The following ZNF148 variants were observed in gnomAD, a reference collection of about 807,000 sequenced individuals.
The protein encoded by ZNF148 is Beta-Enolase Repressor Factor-1.
ZNF148 carries 7 observed loss-of-function variants against 67.7 expected under a neutral mutation model. The observed-to-expected ratio is 0.10, with a 90% CI of 0.06 to 0.19. The LOEUF (loss-of-function observed/expected upper bound fraction) is 0.19, where lower values mean the gene tolerates loss of function less well. Among genes scored for constraint, ZNF148 ranks in the 10% least tolerant of loss-of-function variants. ZNF148 has a pLI of 1.00. For missense variants in ZNF148, 583 were observed against 947.1 expected, an observed-to-expected ratio of 0.62 and a Z score of 5.05; for synonymous variants, 333 against 330.7, an observed-to-expected ratio of 1.01 and a Z score of -0.08.
rs373252089 is a variant in ZNF148, at chr3:125,262,019, T to C, written c.667+15707A>G. On this transcript the variant is annotated intron_variant, in intron 7 of 8. Coordinates refer to ENST00000360647, the MANE Select transcript of ZNF148 (RefSeq NM_021964.3). ...ACTTTTCACCATACAGTTCTACTAA[T>C]GAAAACGCTGGAATTCTCTTTTATA... Among the ~76,000 whole-genome samples, 5 of 152,252 alleles carry C rather than the reference T, an allele frequency of 3.3e-5. No individual in the cohort carries two copies. In the South Asian group the frequency reaches 6.2e-4, roughly 19 times the overall value.
At chr3:125,326,256 A>T (rs1258729314) in intron 2 of ZNF148, among the ~76,000 whole-genome samples, 1 of 152,120 alleles carries the variant, frequency 6.6e-6, no homozygotes, top group Non-Finnish European at 1.5e-5. Context: ...CACTCCATAA[A>T]CATATTTTTC....
intron 4 of ZNF148, among the ~76,000 whole-genome samples, chr3:125,298,167 A>G (rs578256148): frequency 6.6e-6 from 1 of 152,170 alleles, no homozygotes; most frequent in Non-Finnish European, 1.5e-5. Context: ...AATCTTTAGG[A>G]ACTAGAGGAG....
At chr3:125,336,912 T>C (rs566328868) in intron 1 of ZNF148, among the ~76,000 whole-genome samples, 1 of 151,246 alleles carries the variant, frequency 6.6e-6, no homozygotes, top group Non-Finnish European at 1.5e-5. Flanking sequence ...CCTGACCTCA[T>C]GATCCACCCG....
intron 4 of ZNF148, among the ~76,000 whole-genome samples, chr3:125,297,809 C>T (rs1415216113): frequency 6.6e-6 from 1 of 152,130 alleles, no homozygotes; most frequent in Non-Finnish European, 1.5e-5. Context: ...TAAAAAACTT[C>T]TGTCAGTATG....
chr3:125,288,691 T>C (rs1938842252), intron 4 of ZNF148, among the ~76,000 whole-genome samples: 1 of 152,130 alleles, frequency 6.6e-6, no homozygotes, highest in Admixed American at 6.5e-5. Flanking sequence ...ACCACACAAA[T>C]TCTAAAAGAT....
Position 125,227,108 on chromosome 3 carries a change from T to C in ZNF148, c.*5233A>G, listed in dbSNP as rs899903692. On this transcript the variant is annotated 3_prime_UTR_variant, in exon 9 of 9. Coordinates refer to ENST00000360647, the MANE Select transcript of ZNF148 (RefSeq NM_021964.3). ...ACGATGCCCCCCTTTCCCTCGGAAA[T>C]TTGCTCTAGCATTTTAGGAACTCTC... 6.7e-6 allele frequency: 1 copy of C among 149,098 alleles called. No individual in the cohort carries two copies. The highest frequency in any genetic ancestry group is 2.6e-5 in the African/African-American group (1 of 38,468). 9.2% of individuals were successfully genotyped at this position (149,098 alleles called of 1,614,324 possible). A position where few individuals can be genotyped will look rare whatever the true frequency, so the allele number is the denominator to read the frequency against.
At chr3:125,275,130 C>T (rs928693305) in intron 7 of ZNF148, among the ~76,000 whole-genome samples, 3 of 152,174 alleles carry the variant, frequency 2.0e-5, no homozygotes, top group South Asian at 2.1e-4. Context: ...ATCAAGAATA[C>T]GAAGTAAAGA....
chr3:125,374,103 C>G (rs752206878), intron 1 of ZNF148, among the ~76,000 whole-genome samples: 51 of 152,266 alleles, frequency 3.3e-4, no homozygotes, highest in Middle Eastern at 3.4e-3. Flanking sequence ...AGGCCAGACC[C>G]TTTCTCAAGG....
chr3:125,373,965 G>A (rs1194025979), intron 1 of ZNF148, among the ~76,000 whole-genome samples: 1 of 152,216 alleles, frequency 6.6e-6, no homozygotes, highest in African/African-American at 2.4e-5. Flanking sequence ...ACTGGGCAGT[G>A]AAGAAAACCA....
intron 1 of ZNF148, among the ~76,000 whole-genome samples, chr3:125,364,691 CAT>C (rs570470769): frequency 1.6e-3 from 245 of 152,302 alleles, no homozygotes; most frequent in Non-Finnish European, 2.6e-3. Context: ...GGAAATGGCA[CAT>C]GAGGCATCCT....
At chr3:125,238,206 T>C (rs1936182059) in intron 7 of ZNF148, among the ~76,000 whole-genome samples, 1 of 151,992 alleles carries the variant, frequency 6.6e-6, no homozygotes, top group South Asian at 2.1e-4. Flanking sequence ...TAGGAATAAA[T>C]CCTTATGACC....
At chr3:125,237,674 G>A (rs1487046445) in intron 7 of ZNF148, among the ~76,000 whole-genome samples, 4 of 152,150 alleles carry the variant, frequency 2.6e-5, no homozygotes, top group African/African-American at 9.7e-5. Flanking sequence ...GATAATGAAA[G>A]AGAAAAATCA....
At chr3:125,352,813 CT>C (rs1031164890) in intron 1 of ZNF148, among the ~76,000 whole-genome samples, 24 of 152,078 alleles carry the variant, frequency 1.6e-4, no homozygotes, top group African/African-American at 5.8e-4. Flanking sequence ...CTAAAACAAT[CT>C]TGACAGAGAA....
chr3:125,274,883 G>A (rs1461947146), intron 7 of ZNF148, among the ~76,000 whole-genome samples: 7 of 152,080 alleles, frequency 4.6e-5, no homozygotes, highest in Non-Finnish European at 7.4e-5. Context: ...TTTTAATGCC[G>A]TAACTATTTA....
intron 2 of ZNF148, among the ~76,000 whole-genome samples, chr3:125,330,082 C>T (rs994591463): frequency 6.6e-6 from 1 of 152,104 alleles, no homozygotes; most frequent in Non-Finnish European, 1.5e-5. Context: ...AAATGTTGAA[C>T]ATGACAATTA....
intron 7 of ZNF148, among the ~76,000 whole-genome samples, chr3:125,252,203 G>T (rs1365777326): frequency 6.6e-6 from 1 of 151,956 alleles, no homozygotes; most frequent in Non-Finnish European, 1.5e-5. Flanking sequence ...CTTCTTGATG[G>T]TGTCTTTAAT....
rs912442032 is a variant in ZNF148 at position 125,231,684 on chromosome 3, G to A, written c.*657C>T. On this transcript the variant is annotated 3_prime_UTR_variant, in exon 9 of 9. Coordinates refer to ENST00000360647, the MANE Select transcript of ZNF148 (RefSeq NM_021964.3). The stretch of plus-strand genomic sequence containing the variant: ...GTGTGTTTTGGTAAAAGTTCTGAAA[G>A]TATGCATATTTTTAAAGTAATTAGG... 6.6e-6 allele frequency: 1 copy of A among 152,494 alleles called. No individual in the cohort carries two copies. Among genetic ancestry groups the A allele is most frequent in the Non-Finnish European group, 1.5e-5 (1 of 67,998 alleles). The allele number at this position is 152,494 out of a possible 1,614,324, so 9.4% of individuals were successfully genotyped here. A position where few individuals can be genotyped will look rare whatever the true frequency, so the allele number is the denominator to read the frequency against.
intron 4 of ZNF148, among the ~76,000 whole-genome samples, chr3:125,303,484 C>CT (rs1201104382): frequency 3.3e-5 from 5 of 152,184 alleles, no homozygotes; most frequent in African/African-American, 4.8e-5. Flanking sequence ...GCTCTGCCTC[C>CT]TGTTAGGTCA....
chr3:125,242,326 A>C (rs1265363490), intron 7 of ZNF148, among the ~76,000 whole-genome samples: 2 of 152,168 alleles, frequency 1.3e-5, no homozygotes, highest in African/African-American at 4.8e-5. Flanking sequence ...TTTTTACATT[A>C]AATCTCTCAT....
Sources: allele counts gnomAD v4.1 joint callset (sites outside exome capture counted in the v4.1 genomes callset), GRCh38; gene constraint gnomAD v4.1.1; transcripts MANE v1.5; gene names NCBI Gene and HGNC (gene_info 2026-07-23, HGNC 2026-07-21).